The following ZNF804B variants were observed in gnomAD, a reference collection of about 807,000 sequenced individuals.
The protein encoded by ZNF804B is zinc finger 804B.
ZNF804B carries 80 observed loss-of-function variants against 101.4 expected under a neutral mutation model. The observed-to-expected ratio is 0.79, with a 90% confidence interval of 0.66 to 0.95. ZNF804B has a LOEUF of 0.95. Among genes scored for constraint, ZNF804B ranks in the 40% least tolerant of loss-of-function variants. ZNF804B has a pLI of 0.00. For synonymous variants in ZNF804B, 622 were observed against 558.8 expected (o/e 1.11, Z -1.59); for missense variants, 1,673 against 1,561.9 (o/e 1.07, Z -1.20).
At chr7:89,231,963 A>G (rs1166337794) in intron 2 of ZNF804B, among the ~76,000 whole-genome samples, 1 of 152,138 alleles carries the variant, frequency 6.6e-6, no homozygotes, top group African/African-American at 2.4e-5. Context: ...GTGGTGTTGA[A>G]TAAAAGATGC....
chr7:89,041,703 G>A (rs6946891), intron 1 of ZNF804B, among the ~76,000 whole-genome samples: 126,113 of 152,094 alleles, frequency 0.83, 52,756 homozygotes, highest in African/African-American at 0.94. Flanking sequence ...CCTCGAGCAG[G>A]ACACAACTCT....
At chr7:89,201,529 A>G (rs1311715506) in intron 1 of ZNF804B, among the ~76,000 whole-genome samples, 1 of 152,028 alleles carries the variant, frequency 6.6e-6, no homozygotes, top group African/African-American at 2.4e-5. Flanking sequence ...AAGAAGCAGA[A>G]AGTCCAAGAA....
intron 1 of ZNF804B, among the ~76,000 whole-genome samples, chr7:89,044,987 G>T (rs969306656): frequency 5.3e-5 from 8 of 152,184 alleles, no homozygotes; most frequent in Non-Finnish European, 8.8e-5. Flanking sequence ...TCCATCACAG[G>T]CCGGGTAGCC....
intron 1 of ZNF804B, among the ~76,000 whole-genome samples, chr7:89,147,083 G>GTATATATATATATA (rs147620052): frequency 0.047 from 6,548 of 139,600 alleles, 177 homozygotes; most frequent in Non-Finnish European, 0.064. Context: ...GGATAATCAG[G>GTATATATATATATA]TATATATATA....
chr7:89,301,127 G>C (rs1044734706), intron 2 of ZNF804B, among the ~76,000 whole-genome samples: 2 of 125,356 alleles, frequency 1.6e-5, no homozygotes, highest in Non-Finnish European at 3.4e-5. Flanking sequence ...TTTTTTGGTG[G>C]TGGTTCTCTT....
chr7:89,048,362 C>T (rs1484021346), intron 1 of ZNF804B, among the ~76,000 whole-genome samples: 2 of 151,798 alleles, frequency 1.3e-5, no homozygotes, highest in African/African-American at 2.4e-5. Context: ...TCTGTTTAAC[C>T]TTCAGGGAAG....
intron 1 of ZNF804B, among the ~76,000 whole-genome samples, chr7:88,863,003 C>A (rs556763284): frequency 6.6e-6 from 1 of 152,262 alleles, no homozygotes. Flanking sequence ...CTCATAATAT[C>A]TATTAGTGGC....
chr7:89,108,100 G>A (rs1286302175), intron 1 of ZNF804B, among the ~76,000 whole-genome samples: 1 of 152,124 alleles, frequency 6.6e-6, no homozygotes, highest in Non-Finnish European at 1.5e-5. Context: ...GTAATAGAAT[G>A]CAGTTTTACT....
intron 2 of ZNF804B, among the ~76,000 whole-genome samples, chr7:89,220,793 A>G (rs1052038104): frequency 2.0e-5 from 3 of 151,932 alleles, no homozygotes; most frequent in African/African-American, 4.8e-5. Context: ...TTTGGTTGGC[A>G]TGTCTTGAAG....
rs570932990 is a variant in ZNF804B at position 89,338,101 on chromosome 7, C to T, written c.*1069C>T. The stretch of plus-strand genomic sequence containing the variant: ...ACATTCATTCAAAATGGTTTTTGGC[C>T]GCCAAAATTTGCATTTCATACATCT... On this transcript the variant is annotated 3_prime_UTR_variant, in exon 4 of 4. Transcript: ENST00000333190. 3.0e-4 allele frequency among the ~76,000 whole-genome samples: 45 copies of T among 152,128 alleles called. 1 individual carries two copies. In the South Asian group the frequency reaches 6.6e-3, roughly 22 times the overall value.
chr7:88,865,041 T>G (rs533810119), intron 1 of ZNF804B, among the ~76,000 whole-genome samples: 2 of 151,378 alleles, frequency 1.3e-5, no homozygotes, highest in African/African-American at 4.9e-5. Flanking sequence ...CCACCCAGAC[T>G]AACATAGAGA....
At chr7:89,073,109 G>C (rs903074358) in intron 1 of ZNF804B, among the ~76,000 whole-genome samples, 8 of 152,094 alleles carry the variant, frequency 5.3e-5, no homozygotes, top group African/African-American at 1.9e-4. Context: ...AACATGTCAT[G>C]AGAATTTTTA....
At chr7:89,032,675 A>G (rs1788856557) in intron 1 of ZNF804B, among the ~76,000 whole-genome samples, 1 of 152,138 alleles carries the variant, frequency 6.6e-6, no homozygotes, top group Non-Finnish European at 1.5e-5. Context: ...CAAGTTGATC[A>G]GCCTTGAGGA....
At chr7:89,033,573 C>T (rs1347777455) in intron 1 of ZNF804B, among the ~76,000 whole-genome samples, 5 of 151,942 alleles carry the variant, frequency 3.3e-5, no homozygotes, top group South Asian at 2.1e-4. Context: ...CTTAAATTCC[C>T]GCCAACAGTG....
rs550270128 is a variant in ZNF804B, at chr7:88,929,120, C to G, written c.108+169036C>G. ...GTAACTTGAATACAGTATGGAGCTC[C>G]TAGATAAGCTCTCTTTATCATATAC... is the stretch of plus-strand genomic sequence containing the variant. On this transcript the variant is annotated intron_variant, in intron 1 of 3. Coordinates refer to ENST00000333190, the MANE Select transcript of ZNF804B (RefSeq NM_181646.5). Among the ~76,000 whole-genome samples the G allele has an allele frequency of 4.6e-5, 7 of 151,946 alleles. No homozygotes were observed. In the South Asian group the frequency reaches 1.5e-3, roughly 32 times the overall value.
chr7:89,009,269 T>C (rs1161730872), intron 1 of ZNF804B, among the ~76,000 whole-genome samples: 2 of 152,212 alleles, frequency 1.3e-5, no homozygotes, highest in Non-Finnish European at 2.9e-5. Context: ...TCTGTTATCC[T>C]TTATTCTTGA....
At chr7:88,847,998 G>T (rs1672388960) in intron 1 of ZNF804B, among the ~76,000 whole-genome samples, 1 of 152,100 alleles carries the variant, frequency 6.6e-6, no homozygotes, top group South Asian at 2.1e-4. Flanking sequence ...TTACTAATTT[G>T]GTATGGCTAG....
intron 1 of ZNF804B, among the ~76,000 whole-genome samples, chr7:89,172,540 A>G (rs1584031750): frequency 6.6e-6 from 1 of 152,182 alleles, no homozygotes; most frequent in Admixed American, 6.5e-5. Flanking sequence ...TACTAACTGT[A>G]CAGCCACTTT....
chr7:89,205,468 G>A (rs1266764000), intron 1 of ZNF804B, among the ~76,000 whole-genome samples: 1 of 152,202 alleles, frequency 6.6e-6, no homozygotes, highest in African/African-American at 2.4e-5. Flanking sequence ...GATACAAAGT[G>A]GGTACAGGCA....
Sources: gnomAD v4.1 joint callset for allele counts (sites outside exome capture counted in the v4.1 genomes callset) on GRCh38, gnomAD v4.1.1 for gene constraint, MANE v1.5 for transcripts, NCBI Gene and HGNC (gene_info 2026-07-23, HGNC 2026-07-21) for gene names.